CSMD1: variants seen among roughly 807,000 people sequenced by gnomAD.
CSMD1 encodes the protein CUB and sushi domain-containing protein 1.
In CSMD1, 213 loss-of-function variants were observed where a neutral mutation model predicts 417.5. That is an observed-to-expected ratio of 0.51 (90% CI 0.46 to 0.57). CSMD1 has a LOEUF of 0.57. Among genes scored for constraint, CSMD1 ranks in the 20% least tolerant of loss-of-function variants. The pLI, the probability that CSMD1 is intolerant of heterozygous loss-of-function variation, is 0.00. For missense variants in CSMD1, 6,923 were observed against 4,529.7 expected (o/e 1.53, Z -15.17); for synonymous variants, 2,862 against 1,736.8 (o/e 1.65, Z -16.11).
chr8:3,600,386 C>G (rs1283457491), intron 8 of CSMD1, among the ~76,000 whole-genome samples: 1 of 152,192 alleles, frequency 6.6e-6, no homozygotes, highest in Non-Finnish European at 1.5e-5. Flanking sequence ...TAACTAGCTA[C>G]TCTATTTCCC....
At chr8:4,143,712 G>C (rs61316323) in intron 3 of CSMD1, among the ~76,000 whole-genome samples, 18,544 of 150,794 alleles carry the variant, frequency 0.12, 2,357 homozygotes, top group African/African-American at 0.25. Flanking sequence ...AAGTAACAAA[G>C]GAAAGAAACA....
chr8:4,738,543 CAG>C (rs1810392885), intron 1 of CSMD1, among the ~76,000 whole-genome samples: 2 of 152,076 alleles, frequency 1.3e-5, no homozygotes, highest in South Asian at 4.1e-4. Flanking sequence ...ACTCCCATAA[CAG>C]GGGAACTACA....
In CSMD1 at chr8:4,839,057, T is replaced by C. The variant is rs186867147; in HGVS notation, c.85+155275A>G. The stretch of plus-strand genomic sequence containing the variant: ...CTTTTTGGAATTGGTTTTTTGCCTG[T>C]CTGCTTTGTATTTCTGACCTGGTAT... On this transcript the variant is annotated intron_variant, in intron 1 of 69. Coordinates refer to ENST00000635120, the MANE Select transcript of CSMD1 (RefSeq NM_033225.6). Among the ~76,000 whole-genome samples the C allele has an allele frequency of 4.8e-4, 73 of 152,338 alleles. No individual in the cohort carries two copies. The East Asian group carries it at 0.012, about 26-fold the overall frequency.
At chr8:3,913,309 C>T (rs1164629715) in intron 5 of CSMD1, among the ~76,000 whole-genome samples, 2 of 152,154 alleles carry the variant, frequency 1.3e-5, no homozygotes, top group Admixed American at 6.5e-5. Flanking sequence ...TGAGGACCAT[C>T]GACCTGCTCA....
intron 1 of CSMD1, among the ~76,000 whole-genome samples, chr8:4,639,875 AT>A (rs2130864930): frequency 6.6e-6 from 1 of 152,322 alleles, no homozygotes; most frequent in African/African-American, 2.4e-5. Context: ...TAAAAAGCCC[AT>A]TTTCCACTAA....
intron 7 of CSMD1, among the ~76,000 whole-genome samples, chr8:3,692,625 G>A (rs900451516): frequency 6.6e-6 from 1 of 152,004 alleles, no homozygotes; most frequent in South Asian, 2.1e-4. Flanking sequence ...TAGAGGTGGG[G>A]TTTCACCATG....
chr8:4,544,216 T>C (rs990443455), intron 2 of CSMD1, among the ~76,000 whole-genome samples: 1 of 152,216 alleles, frequency 6.6e-6, no homozygotes. Flanking sequence ...AGTTTCCTCC[T>C]TTGTCATCCT....
intron 10 of CSMD1, among the ~76,000 whole-genome samples, chr8:3,530,605 T>C (rs945268456): frequency 6.6e-6 from 1 of 152,184 alleles, no homozygotes; most frequent in African/African-American, 2.4e-5. Context: ...CACAGCAACC[T>C]CTGCCTTCTG....
At chr8:3,671,168 G>A (rs1297446557) in intron 7 of CSMD1, among the ~76,000 whole-genome samples, 1 of 147,456 alleles carries the variant, frequency 6.8e-6, no homozygotes, top group African/African-American at 2.5e-5. Context: ...ATGTATATGA[G>A]ATATATATGT....
chr8:3,974,971 A>T (rs980129528), intron 5 of CSMD1, among the ~76,000 whole-genome samples: 5 of 152,140 alleles, frequency 3.3e-5, no homozygotes, highest in Admixed American at 2.0e-4. Flanking sequence ...AGAATCCAGG[A>T]TTTTCCCTAT....
intron 41 of CSMD1, among the ~76,000 whole-genome samples, chr8:3,125,651 C>G (rs1001028710): frequency 2.6e-5 from 4 of 152,148 alleles, no homozygotes; most frequent in Non-Finnish European, 5.9e-5. Flanking sequence ...TCTATTAGTT[C>G]TATAAGAGTT....
chr8:4,910,159 T>C (rs1805568096), intron 1 of CSMD1, among the ~76,000 whole-genome samples: 2 of 152,210 alleles, frequency 1.3e-5, no homozygotes, highest in Admixed American at 1.3e-4. Context: ...AGAACATATA[T>C]TTCAAATTGT....
chr8:4,843,991 G>A (rs1331677003), intron 1 of CSMD1, among the ~76,000 whole-genome samples: 1 of 152,196 alleles, frequency 6.6e-6, no homozygotes, highest in African/African-American at 2.4e-5. Flanking sequence ...GGAAAAATGA[G>A]ATTGTGAGAC....
chr8:4,305,898 G>C (rs138811567), intron 3 of CSMD1, among the ~76,000 whole-genome samples: 1 of 152,234 alleles, frequency 6.6e-6, no homozygotes, highest in East Asian at 1.9e-4. Context: ...TTGTTCTCAA[G>C]CATCAGAATG....
chr8:4,046,607 G>A (rs1356079023), intron 3 of CSMD1, among the ~76,000 whole-genome samples: 2 of 152,136 alleles, frequency 1.3e-5, no homozygotes, highest in African/African-American at 2.4e-5. Flanking sequence ...ACTGTTGATT[G>A]TTGAGTCTTG....
intron 3 of CSMD1, among the ~76,000 whole-genome samples, chr8:4,191,787 T>TA (rs1347085989): frequency 2.0e-5 from 3 of 150,914 alleles, no homozygotes; most frequent in African/African-American, 7.3e-5. Flanking sequence ...ATCCTGTGGT[T>TA]AAGGTTGAAT....
intron 11 of CSMD1, among the ~76,000 whole-genome samples, chr8:3,486,093 G>C (rs1381025322): frequency 6.6e-6 from 1 of 152,052 alleles, no homozygotes; most frequent in African/African-American, 2.4e-5. Context: ...AACAATACTG[G>C]TGCATTAAAT....
intron 3 of CSMD1, among the ~76,000 whole-genome samples, chr8:4,077,005 G>A (rs944690402): frequency 3.3e-5 from 5 of 152,002 alleles, no homozygotes; most frequent in Non-Finnish European, 5.9e-5. Flanking sequence ...CCAGCTAATA[G>A]TAAGAAAAAT....
intron 3 of CSMD1, among the ~76,000 whole-genome samples, chr8:4,141,899 T>A (rs990579047): frequency 2.6e-5 from 4 of 151,042 alleles, no homozygotes; most frequent in African/African-American, 7.4e-5. Context: ...AAAGAAAACA[T>A]GAGAACTTCT....
Sources: gnomAD v4.1 joint callset for allele counts (sites outside exome capture counted in the v4.1 genomes callset) on GRCh38, gnomAD v4.1.1 for gene constraint, MANE v1.5 for transcripts, NCBI Gene and HGNC (gene_info 2026-07-23, HGNC 2026-07-21) for gene names.